PKN2: variants seen among roughly 807,000 people sequenced by gnomAD.
The protein encoded by PKN2 is serine/threonine-protein kinase N2.
In PKN2, 38 loss-of-function variants were observed where a neutral mutation model predicts 119.1. That is an observed-to-expected ratio of 0.32 (90% confidence interval 0.25 to 0.42). PKN2 has a LOEUF of 0.42. Among genes scored for constraint, PKN2 ranks in the 10% least tolerant of loss-of-function variants. PKN2 has a pLI of 1.00. For synonymous variants in PKN2, 390 were observed against 384.9 expected (o/e 1.01, Z -0.15); for missense variants, 850 against 1,165.1 (o/e 0.73, Z 3.94).
chr1:88,771,958 CT>C, intron 6 of PKN2, 79 bp downstream of exon 6: 1 of 900,338 alleles, frequency 1.1e-6, no homozygotes. Context: ...AAAGAAAAAC[CT>C]GTGCATAGAT....
chr1:88,743,189 C>G (rs1020330613), intron 2 of PKN2, among the ~76,000 whole-genome samples: 39 of 152,216 alleles, frequency 2.6e-4, no homozygotes, highest in African/African-American at 9.2e-4. Context: ...GATTCTGTCT[C>G]AAAAATAAAA....
At chr1:88,704,769 A>AC (rs1380707897) in intron 1 of PKN2, among the ~76,000 whole-genome samples, 1 of 109,960 alleles carries the variant, frequency 9.1e-6, no homozygotes, top group Non-Finnish European at 1.8e-5. Flanking sequence ...CAACAGCAAG[A>AC]CCCTGTCTCA....
intron 1 of PKN2, among the ~76,000 whole-genome samples, chr1:88,715,964 A>C (rs1667432736): frequency 6.6e-6 from 1 of 152,168 alleles, no homozygotes; most frequent in Non-Finnish European, 1.5e-5. Context: ...CACTGCTTTA[A>C]ATGTGTCCCA....
chr1:88,816,029 A>G (rs754438960), intron 16 of PKN2, among the ~76,000 whole-genome samples: 2 of 151,864 alleles, frequency 1.3e-5, no homozygotes, highest in East Asian at 3.9e-4. Flanking sequence ...AATCCCAGCT[A>G]TTTGGGAAGC....
chr1:88,767,638 A>G (rs192269082), intron 3 of PKN2, among the ~76,000 whole-genome samples: 79 of 152,328 alleles, frequency 5.2e-4, no homozygotes, highest in Non-Finnish European at 9.6e-4. Context: ...ATATCTAAAC[A>G]TAGGTATATG....
At chr1:88,824,449 G>C (rs959940068) in intron 18 of PKN2, 63 bp downstream of exon 18, 7 of 920,724 alleles carry the variant, frequency 7.6e-6, no homozygotes, top group South Asian at 1.4e-5. Flanking sequence ...TGCATCAGTA[G>C]TTTTCAAGTT....
Position 88,693,745 on chromosome 1 carries a change from A to G in PKN2, c.48+9117A>G, listed in dbSNP as rs139027528. ...AAGAAAAGAAATGATATTGAGCGAA[A>G]CAGCATTATTAAAGGACCTGAAGCA... On this transcript the variant is annotated intron_variant, in intron 1 of 21. Transcript: ENST00000370521. Among the ~76,000 whole-genome samples the G allele has an allele frequency of 1.0e-3, 153 of 152,302 alleles. 1 individual carries two copies. The highest frequency in any genetic ancestry group is 3.6e-3 in the African/African-American group (150 of 41,558).
At chr1:88,824,736 T>G (rs970635629) in intron 18 of PKN2, among the ~76,000 whole-genome samples, 1 of 152,228 alleles carries the variant, frequency 6.6e-6, no homozygotes, top group Non-Finnish European at 1.5e-5. Flanking sequence ...TCCAGCTTCT[T>G]AAAGTTGAAA....
At chr1:88,703,709 G>A (rs185845873) in intron 1 of PKN2, among the ~76,000 whole-genome samples, 1 of 152,086 alleles carries the variant, frequency 6.6e-6, no homozygotes, top group Non-Finnish European at 1.5e-5. Context: ...GTGGTAAAAA[G>A]CAAAGGCTAC....
intron 18 of PKN2, among the ~76,000 whole-genome samples, chr1:88,827,611 CCCCTT>C (rs147919849): frequency 2.5e-4 from 32 of 128,850 alleles, no homozygotes; most frequent in African/African-American, 6.1e-4. Context: ...TCCCTTCCCT[CCCCTT>C]CCCTTCCCTT....
intron 6 of PKN2, among the ~76,000 whole-genome samples, chr1:88,776,071 G>A (rs1670084216): frequency 6.7e-6 from 1 of 149,924 alleles, no homozygotes; most frequent in East Asian, 2.0e-4. Flanking sequence ...TCGTGCCACT[G>A]CACTCCAGCC....
chr1:88,745,291 AAGATATAC>A (rs1265174652), intron 2 of PKN2, among the ~76,000 whole-genome samples: 2 of 152,224 alleles, frequency 1.3e-5, no homozygotes, highest in African/African-American at 4.8e-5. Context: ...AAAGAAATAA[AAGATATAC>A]AGATAGGAAA....
At chr1:88,693,724 A>G (rs1666417610) in intron 1 of PKN2, among the ~76,000 whole-genome samples, 1 of 152,162 alleles carries the variant, frequency 6.6e-6, no homozygotes, top group South Asian at 2.1e-4. Context: ...AAAAGAAAGA[A>G]AAGAAATGAT....
chr1:88,684,320 G>T lies in PKN2; in HGVS notation c.-261G>T. 2 of 405,792 alleles carry T rather than the reference G, an allele frequency of 4.9e-6. No individual in the cohort carries two copies. The highest frequency in any genetic ancestry group is 4.4e-6 in the Non-Finnish European group (1 of 227,004). 25.1% of individuals were successfully genotyped at this position (405,792 alleles called of 1,614,324 possible). A position where few individuals can be genotyped will look rare whatever the true frequency, so the allele number is the denominator to read the frequency against. On this transcript the variant is annotated 5_prime_UTR_variant, in exon 1 of 22. Transcript: ENST00000370521. ...GAGGCTTGAGGCGGCTCCTGGCGTCGCCCAGAGGGAGCGACTAGACGAACA... is the reference window on the plus strand; with the variant it reads ...GAGGCTTGAGGCGGCTCCTGGCGTCTCCCAGAGGGAGCGACTAGACGAACA...
chr1:88,782,749 T>C (rs1054337376), intron 6 of PKN2, among the ~76,000 whole-genome samples: 1 of 152,234 alleles, frequency 6.6e-6, no homozygotes, highest in African/African-American at 2.4e-5. Flanking sequence ...CCTTGCCTTC[T>C]AACCCTAACA....
chr1:88,757,993 A>G (rs1358418279), intron 2 of PKN2, among the ~76,000 whole-genome samples: 1 of 149,874 alleles, frequency 6.7e-6, no homozygotes, highest in East Asian at 1.9e-4. Flanking sequence ...GTGAGCCGAA[A>G]TCACACCACT....
At chr1:88,786,274 T>C in intron 8 of PKN2, 61 bp downstream of exon 8, 1 of 858,336 alleles carries the variant, frequency 1.2e-6, no homozygotes, top group Non-Finnish European at 1.9e-6. Context: ...GTGAGTTATA[T>C]TTTTTAGAAG....
At chr1:88,787,252 C>G (rs1184204728) in intron 8 of PKN2, among the ~76,000 whole-genome samples, 3 of 151,888 alleles carry the variant, frequency 2.0e-5, no homozygotes, top group Non-Finnish European at 4.4e-5. Context: ...ATGTCATTTC[C>G]TTTCATTTCG....
intron 1 of PKN2, among the ~76,000 whole-genome samples, chr1:88,707,900 C>T (rs1276087375): frequency 6.6e-6 from 1 of 152,102 alleles, no homozygotes; most frequent in East Asian, 1.9e-4. Flanking sequence ...CCATATGTAA[C>T]TTATATTCAA....
Sources: allele counts gnomAD v4.1 joint callset (sites outside exome capture counted in the v4.1 genomes callset), GRCh38; gene constraint gnomAD v4.1.1; transcripts MANE v1.5; gene names NCBI Gene and HGNC (gene_info 2026-07-23, HGNC 2026-07-21).